Variants in CDK5RAP1 observed in about 807,000 individuals in gnomAD.
The protein encoded by CDK5RAP1 is CDK5RAP1 mitochondrial tRNA methylthiotransferase.
In CDK5RAP1, 62 loss-of-function variants were observed where a neutral mutation model predicts 64.5. That is an observed-to-expected ratio of 0.96 (90% CI 0.78 to 1.19). The LOEUF (loss-of-function observed/expected upper bound fraction) is 1.19, where lower values mean the gene tolerates loss of function less well. Among genes scored for constraint, CDK5RAP1 ranks in the 50% most tolerant of loss-of-function variants. The pLI is 0.00. For synonymous variants in CDK5RAP1, 250 were observed against 261.9 expected (o/e 0.95, Z 0.44); for missense variants, 657 against 735.0 (o/e 0.89, Z 1.23).
At chr20:33,374,588 G>C (rs1985683777) in intron 8 of CDK5RAP1, among the ~76,000 whole-genome samples, 1 of 150,532 alleles carries the variant, frequency 6.6e-6, no homozygotes, top group Non-Finnish European at 1.5e-5. Flanking sequence ...TTTTGAGACA[G>C]AGTATCACTC....
intron 7 of CDK5RAP1, among the ~76,000 whole-genome samples, chr20:33,384,988 G>A (rs944669378): frequency 6.6e-6 from 1 of 152,196 alleles, no homozygotes; most frequent in African/African-American, 2.4e-5. Flanking sequence ...AGGAAGCAGG[G>A]AGACACCACT....
intron 12 of CDK5RAP1, among the ~76,000 whole-genome samples, chr20:33,365,657 C>G (rs1983788975): frequency 6.9e-6 from 1 of 144,786 alleles, no homozygotes; most frequent in African/African-American, 2.6e-5. Context: ...GGAGAGAGAG[C>G]TGTATCTAAT....
intron 8 of CDK5RAP1, among the ~76,000 whole-genome samples, chr20:33,378,012 T>C (rs756489953): frequency 1.1e-4 from 17 of 152,312 alleles, no homozygotes; most frequent in Admixed American, 3.9e-4. Context: ...ATGTGTTCAG[T>C]GGAGTAGTAC....
At chr20:33,370,429 C>G (rs1160000133) in intron 11 of CDK5RAP1, 70 bp downstream of exon 11, 1 of 1,554,320 alleles carries the variant, frequency 6.4e-7, no homozygotes. Context: ...CTTTTCTGCC[C>G]TGTTCTCTAC....
At chr20:33,375,870 T>A (rs567447530) in intron 8 of CDK5RAP1, among the ~76,000 whole-genome samples, 1 of 152,272 alleles carries the variant, frequency 6.6e-6, no homozygotes, top group African/African-American at 2.4e-5. Flanking sequence ...TTATATTTTT[T>A]AAATATATCG....
chr20:33,386,712 A>G (rs941920254), intron 6 of CDK5RAP1, among the ~76,000 whole-genome samples: 2 of 151,982 alleles, frequency 1.3e-5, no homozygotes, highest in Non-Finnish European at 2.9e-5. Flanking sequence ...ATTCTTACTA[A>G]GCATTCCAAC....
At position 33,396,998 on chromosome 20, in the gene CDK5RAP1, A is replaced by T; in HGVS notation, c.67T>A (p.Ser23Thr). 1 of 1,614,192 alleles carries T rather than the reference A, an allele frequency of 6.2e-7. No homozygotes were observed. Among genetic ancestry groups the T allele is most frequent in the Non-Finnish European group, 8.5e-7 (1 of 1,180,012 alleles). Residue 23 changes from serine (S) to threonine (T), a missense_variant, in exon 2 of 14, where the codon TCT becomes ACT. Transcript: ENST00000346416. ...CTGCACATCCTCAGCGACAGCCAAGACACAGAGGCCAATGGTCCCCACCCC... is the reference window on the plus strand; with the variant it reads ...CTGCACATCCTCAGCGACAGCCAAGTCACAGAGGCCAATGGTCCCCACCCC... ...SLGWGPLASV[S>T]WLSLRMCRAH...
At chr20:33,384,029 G>C (rs1987107971) in intron 7 of CDK5RAP1, among the ~76,000 whole-genome samples, 1 of 152,092 alleles carries the variant, frequency 6.6e-6, no homozygotes, top group Admixed American at 6.6e-5. Context: ...CATATAAAAA[G>C]ATTAAAAAGA....
intron 1 of CDK5RAP1, among the ~76,000 whole-genome samples, chr20:33,398,536 A>G (rs1235202284): frequency 1.3e-5 from 2 of 152,150 alleles, no homozygotes; most frequent in African/African-American, 4.8e-5. Flanking sequence ...TGTTTCTAAT[A>G]GCAAAGGAAA....
intron 8 of CDK5RAP1, among the ~76,000 whole-genome samples, chr20:33,376,670 T>C (rs1986033746): frequency 6.6e-6 from 1 of 152,218 alleles, no homozygotes; most frequent in South Asian, 2.1e-4. Flanking sequence ...TCAAGCCCTA[T>C]TATTTTAATT....
chr20:33,385,908 G>A (rs1413205552), intron 6 of CDK5RAP1, 138 bp from the exon 7 acceptor site: 1 of 738,096 alleles, frequency 1.4e-6, no homozygotes, highest in Non-Finnish European at 2.2e-6. Context: ...ACCAATCTGA[G>A]ATCTAAGCAC....
At chr20:33,374,275 T>A (rs1481512895) in intron 8 of CDK5RAP1, 63 bp from the exon 9 acceptor site, 40 of 1,021,474 alleles carry the variant, frequency 3.9e-5, no homozygotes, top group Non-Finnish European at 5.4e-5. Context: ...CAGAAAGCAA[T>A]ACCGCTCTTA....
At chr20:33,394,164 CTTTTT>C in intron 3 of CDK5RAP1, 98 bp from the exon 4 acceptor site, 1 of 673,810 alleles carries the variant, frequency 1.5e-6, no homozygotes. Context: ...TTTTTTTTTC[CTTTTT>C]TTTTTTTTGA....
intron 7 of CDK5RAP1, among the ~76,000 whole-genome samples, chr20:33,382,472 G>A (rs1461515617): frequency 3.9e-5 from 6 of 152,174 alleles, no homozygotes; most frequent in Non-Finnish European, 5.9e-5. Flanking sequence ...CCTGAGGTCA[G>A]GAGTTCGAGA....
intron 5 of CDK5RAP1, among the ~76,000 whole-genome samples, chr20:33,389,490 G>A (rs1447578945): frequency 1.3e-5 from 2 of 151,536 alleles, no homozygotes; most frequent in Non-Finnish European, 2.9e-5. Context: ...CCGGGAGGGA[G>A]GTGGGGGTCA....
chr20:33,358,931 G>T lies in CDK5RAP1; in HGVS notation c.*112C>A. 1 of 746,264 alleles carries T rather than the reference G, an allele frequency of 1.3e-6. No individual in the cohort carries two copies. The highest frequency in any genetic ancestry group is 2.3e-6 in the Non-Finnish European group (1 of 434,058). The allele number at this position is 746,264 out of a possible 1,614,324, so 46.2% of individuals were successfully genotyped here. ...TTTTCCACTGACATAAAGTTGCTTC[G>T]CCCCTTGCAGCTTATCTCCACCTTC... On this transcript the variant is annotated 3_prime_UTR_variant, in exon 14 of 14. Transcript: ENST00000346416.
intron 7 of CDK5RAP1, among the ~76,000 whole-genome samples, chr20:33,384,222 C>A (rs1192672521): frequency 6.6e-6 from 1 of 152,152 alleles, no homozygotes; most frequent in Non-Finnish European, 1.5e-5. Flanking sequence ...AAGTGACTAA[C>A]AGATACTTTA....
intron 2 of CDK5RAP1, among the ~76,000 whole-genome samples, chr20:33,395,513 C>T (rs1472140714): frequency 6.6e-6 from 1 of 151,226 alleles, no homozygotes; most frequent in Non-Finnish European, 1.5e-5. Flanking sequence ...TGAGGTAGAA[C>T]TGCTCGAGCC....
At chr20:33,371,473 G>A (rs983482525) in intron 10 of CDK5RAP1, among the ~76,000 whole-genome samples, 3 of 152,152 alleles carry the variant, frequency 2.0e-5, no homozygotes, top group South Asian at 2.1e-4. Context: ...CTATCAAAAC[G>A]AAAGTATTTG....
Sources: gnomAD v4.1 joint callset for allele counts (sites outside exome capture counted in the v4.1 genomes callset) on GRCh38, gnomAD v4.1.1 for gene constraint, MANE v1.5 for transcripts, NCBI Gene and HGNC (gene_info 2026-07-23, HGNC 2026-07-21) for gene names.